Variants in PLEKHG5 observed in about 807,000 individuals in gnomAD.
PLEKHG5 encodes pleckstrin homology domain-containing family G member 5.
In PLEKHG5, 52 loss-of-function variants were observed where a neutral mutation model predicts 103.8. That is an observed-to-expected ratio of 0.50 (90% CI 0.40 to 0.63). The LOEUF (loss-of-function observed/expected upper bound fraction) is 0.63. Among genes scored for constraint, PLEKHG5 ranks in the 30% least tolerant of loss-of-function variants. PLEKHG5 has a pLI of 0.00. For missense variants in PLEKHG5, 1,205 were observed against 1,347.6 expected, an observed-to-expected ratio of 0.89 and a Z score of 1.66; for synonymous variants, 592 against 575.5, an observed-to-expected ratio of 1.03 and a Z score of -0.41.
In PLEKHG5 at chr1:6,473,046, ATCCTCGTCT is replaced by A. The variant is rs1557744136; in HGVS notation, c.915_923del (p.Glu305_Glu307del). ...CCAGCCTCAGGCAGGCATTGTCCTCATCCTCGTCTTCATCGTACTCCTCCTCCCAGGAGT... is the reference window on the plus strand; with the variant it reads ...CCAGCCTCAGGCAGGCATTGTCCTCATCATCGTACTCCTCCTCCCAGGAGT... On this transcript the variant is annotated inframe_deletion, in exon 9 of 21. Coordinates refer to ENST00000377728, the MANE Select transcript of PLEKHG5 (RefSeq NM_020631.6). The A allele has an allele frequency of 3.1e-6, 5 of 1,614,008 alleles. No homozygotes were observed. In the Admixed American group the frequency reaches 8.3e-5, roughly 27 times the overall value.
chr1:6,485,598 A>G (rs1406483044), intron 1 of PLEKHG5: 45 of 648,966 alleles, frequency 6.9e-5, no homozygotes, highest in Non-Finnish European at 9.1e-5. Context: ...GAAGGCGGAC[A>G]CCTCCCTCCC....
intron 15 of PLEKHG5, 73 bp from the exon 16 acceptor site, chr1:6,470,428 A>C: frequency 1.2e-6 from 2 of 1,612,460 alleles, no homozygotes; most frequent in Non-Finnish European, 1.7e-6. Flanking sequence ...CCTCAGTGAG[A>C]TGCCCAGCAC....
At position 6,505,181 on chromosome 1, in the gene PLEKHG5, G is replaced by A. The variant is rs919332582; in HGVS notation, c.-164-8612C>T. ...AGCGCTCCGGTAGCTTCTGCGGACC[G>A]GACTCAAGTTTCTGTCACTGCACCA... On this transcript the variant is annotated intron_variant, in intron 1 of 21. Coordinates refer to the PLEKHG5 transcript ENST00000377740. The surrounding 1 kb of genome is among the most constrained non-coding windows in gnomAD (Gnocchi z 4.2). Among the ~76,000 whole-genome samples, 4 of 152,114 alleles carry A rather than the reference G, an allele frequency of 2.6e-5. No homozygotes were observed. Among genetic ancestry groups the A allele is most frequent in the Admixed American group, 6.5e-5 (1 of 15,270 alleles).
At position 6,470,536 on chromosome 1, in the gene PLEKHG5, C is replaced by A. The variant is rs777723627; in HGVS notation, c.1650G>T (p.Val550=). 1.2e-6 allele frequency: 2 copies of A among 1,608,560 alleles called. No homozygotes were observed. Among genetic ancestry groups the A allele is most frequent in the Non-Finnish European group, 1.7e-6 (2 of 1,179,904 alleles). Residue 550 remains valine, a synonymous_variant, in exon 15 of 21, where the codon GTG becomes GTT. Coordinates refer to ENST00000377728, the MANE Select transcript of PLEKHG5 (RefSeq NM_020631.6). The part of the protein sequence containing the change: ...AVVSRIDAYE[V]VESSSDEVDK... ...CCACTTCGTCGCTGCTGCTTTCCAC[C>A]ACCTCGTAGGCGTCGATGCGGCTCA...
intron 1 of PLEKHG5, among the ~76,000 whole-genome samples, chr1:6,517,792 G>GAGGCC (rs1484964195): frequency 6.6e-6 from 1 of 152,166 alleles, no homozygotes; most frequent in East Asian, 1.9e-4. Context: ...CAAATGCCCC[G>GAGGCC]AGGCCAGGCC....
Position 6,469,950 on chromosome 1 carries a change from T to C in PLEKHG5, c.1801-274A>G, listed in dbSNP as rs774067330. On this transcript the variant is annotated intron_variant, in intron 16 of 20. Transcript: ENST00000377728. ...GCCTGCCCCATGCCTGAAGGGGCCA[T>C]GGCACAGTAGCAAGGCTCTGGGGTT... 1.3e-3 allele frequency among the ~76,000 whole-genome samples: 191 copies of C among 152,342 alleles called. 1 individual carries two copies. The highest frequency in any genetic ancestry group is 8.2e-4 in the Non-Finnish European group (56 of 68,024).
chr1:6,470,699 G>T, intron 14 of PLEKHG5, 36 bp downstream of exon 14: 3 of 1,552,418 alleles, frequency 1.9e-6, no homozygotes, highest in South Asian at 1.2e-5. Flanking sequence ...AGAGAGCCGC[G>T]CAGGGGGGAC....
In PLEKHG5 at chr1:6,471,072, CG is replaced by C; in HGVS notation, c.1309del (p.Arg437AlafsTer39). 1 of 1,594,972 alleles carries C rather than the reference CG, an allele frequency of 6.3e-7. No individual in the cohort carries two copies. The highest frequency in any genetic ancestry group is 8.5e-7 in the Non-Finnish European group (1 of 1,171,718). ...MFGSLFKPYI[R>X]YCMEEEGCME... is the part of the protein sequence containing the mutation. ...GCAGCCCTCCTCCTCCATGCAGTAGCGGATGTAGGGCTTGAAGAGCGAGCCG... is the reference window on the plus strand; with the variant it reads ...GCAGCCCTCCTCCTCCATGCAGTAGCGATGTAGGGCTTGAAGAGCGAGCCG... On this transcript the variant is annotated frameshift_variant, in exon 13 of 21. Coordinates refer to ENST00000377728, the MANE Select transcript of PLEKHG5 (RefSeq NM_020631.6). LOFTEE classifies it high-confidence loss of function.
chr1:6,485,232 G>T, intron 1 of PLEKHG5: 1 of 859,094 alleles, frequency 1.2e-6, no homozygotes, highest in Non-Finnish European at 1.6e-6. Context: ...ATAGTCACGG[G>T]CACCCCCTCC....
intron 1 of PLEKHG5, among the ~76,000 whole-genome samples, chr1:6,479,741 G>A (rs1340104870): frequency 6.6e-6 from 1 of 152,054 alleles, no homozygotes; most frequent in Non-Finnish European, 1.5e-5. Flanking sequence ...CTCCTTAGTA[G>A]CTGGGAATAC....
chr1:6,493,467 C>T (rs772953463), upstream of PLEKHG5, among the ~76,000 whole-genome samples: 1 of 152,172 alleles, frequency 6.6e-6, no homozygotes, highest in Non-Finnish European at 1.5e-5. Flanking sequence ...CAGGCTCTGA[C>T]GATCATGCTG....
At chr1:6,475,209 C>T in intron 4 of PLEKHG5, 71 bp from the exon 5 acceptor site, 1 of 794,348 alleles carries the variant, frequency 1.3e-6, no homozygotes, top group Non-Finnish European at 2.1e-6. Flanking sequence ...CCTCCCCACC[C>T]TCCTTCCCAC....
At chr1:6,471,171 T>G in intron 12 of PLEKHG5, 71 bp from the exon 13 acceptor site, 1 of 1,260,512 alleles carries the variant, frequency 7.9e-7, no homozygotes, top group Non-Finnish European at 1.1e-6. Context: ...CGCCAGGCGC[T>G]GCGCAAGCGC....
rs371256508 is a variant in PLEKHG5, at chr1:6,467,511, C to T, written c.*52G>A. 5.7e-6 allele frequency: 9 copies of T among 1,591,686 alleles called. No individual in the cohort carries two copies. Among genetic ancestry groups the T allele is most frequent in the Non-Finnish European group, 7.8e-6 (9 of 1,160,286 alleles). ...GCAGGTGCCGGCACGCCCCAGGAGG[C>T]AGGCTGTCTGCTGTCTCTTGGTCAA... On this transcript the variant is annotated 3_prime_UTR_variant, in exon 21 of 21. Coordinates refer to ENST00000377728, the MANE Select transcript of PLEKHG5 (RefSeq NM_020631.6).
intron 1 of PLEKHG5, among the ~76,000 whole-genome samples, chr1:6,506,458 C>T (rs375792182): frequency 1.3e-5 from 2 of 152,232 alleles, no homozygotes; most frequent in African/African-American, 4.8e-5. Context: ...ACGGGCTGGC[C>T]GTCTGGGGAC....
At chr1:6,498,614 A>G (rs1645261425), upstream of PLEKHG5, among the ~76,000 whole-genome samples, 2 of 152,186 alleles carry the variant, frequency 1.3e-5, no homozygotes, top group South Asian at 4.1e-4. Context: ...GGGGCAGCAC[A>G]TCTGCATGAC....
intron 1 of PLEKHG5, chr1:6,485,603 C>T: frequency 1.5e-6 from 1 of 663,192 alleles, no homozygotes. Context: ...CGGACACCTC[C>T]CTCCCGCCCG....
Position 6,467,369 on chromosome 1 carries a change from T to C in PLEKHG5, c.*194A>G. 1.4e-6 allele frequency: 1 copy of C among 725,012 alleles called. No homozygotes were observed. Among genetic ancestry groups the C allele is most frequent in the Non-Finnish European group, 2.5e-6 (1 of 398,632 alleles). The allele number at this position is 725,012 out of a possible 1,614,324, so 44.9% of individuals were successfully genotyped here. On this transcript the variant is annotated 3_prime_UTR_variant, in exon 21 of 21. Coordinates refer to ENST00000377728, the MANE Select transcript of PLEKHG5 (RefSeq NM_020631.6). Reference sequence around the variant, plus strand: ...GGGGCTGCCTGGGCAGGTGGGGTGGTACTGTGGCCTGGGCCTCCTCCACTC... The same window carrying C: ...GGGGCTGCCTGGGCAGGTGGGGTGGCACTGTGGCCTGGGCCTCCTCCACTC...
chr1:6,502,294 A>G (rs1280586936), intron 1 of PLEKHG5, among the ~76,000 whole-genome samples: 4 of 152,248 alleles, frequency 2.6e-5, no homozygotes, highest in Non-Finnish European at 1.5e-5. Flanking sequence ...CCAAAGCGCC[A>G]TGGGGCACCT....
Sources: allele counts gnomAD v4.1 joint callset (sites outside exome capture counted in the v4.1 genomes callset), GRCh38; gene constraint gnomAD v4.1.1; non-coding constraint Gnocchi (gnomAD v3.1); transcripts MANE v1.5; gene names NCBI Gene and HGNC (gene_info 2026-07-23, HGNC 2026-07-21).